MIS18BP1: variants seen among roughly 807,000 people sequenced by gnomAD.
The protein encoded by MIS18BP1 is MIS18 binding protein 1.
MIS18BP1 carries 72 observed loss-of-function variants against 116.1 expected under a neutral mutation model. The ratio of observed to expected loss-of-function variants is 0.62; its 90% confidence interval spans 0.51 to 0.75. MIS18BP1 has a LOEUF of 0.75. MIS18BP1 is among the 30% of genes least tolerant of loss of function. The probability of loss-of-function intolerance (pLI) is 0.00; values close to 1 mark genes in which losing one functional copy is unlikely to be tolerated. For synonymous variants in MIS18BP1, 386 were observed against 427.0 expected (o/e 0.90, Z 1.18); for missense variants, 1,363 against 1,303.2 (o/e 1.05, Z -0.71).
chr14:45,230,325 G>C (rs370906576), intron 8 of MIS18BP1, among the ~76,000 whole-genome samples: 2 of 152,038 alleles, frequency 1.3e-5, no homozygotes, highest in South Asian at 2.1e-4. Flanking sequence ...CTGGCAAGTT[G>C]GTCTCCTTAT....
In MIS18BP1 at chr14:45,210,548, T is replaced by A. The variant is rs1268306650; in HGVS notation, c.3004-20A>T. 4 of 1,613,322 alleles carry A rather than the reference T, an allele frequency of 2.5e-6. No individual in the cohort carries two copies. Among genetic ancestry groups the A allele is most frequent in the Non-Finnish European group, 1.7e-6 (2 of 1,179,648 alleles). Reference sequence around the variant, plus strand: ...TGGCAACTAGAAAACAAGTATTTATTATCAGCAGGCACCCCATAAAAGGTA... The same window carrying A: ...TGGCAACTAGAAAACAAGTATTTATAATCAGCAGGCACCCCATAAAAGGTA... On this transcript the variant is annotated intron_variant, in intron 13 of 16. Transcript: ENST00000310806.
chr14:45,218,374 T>C lies in MIS18BP1; in HGVS notation c.2750A>G (p.Glu917Gly). 6.2e-7 allele frequency: 1 copy of C among 1,614,042 alleles called. No homozygotes were observed. Among genetic ancestry groups the C allele is most frequent in the Non-Finnish European group, 8.5e-7 (1 of 1,180,000 alleles). Residue 917 changes from glutamate (E) to glycine (G), a missense_variant, in exon 12 of 17, where the codon GAA becomes GGA. Transcript: ENST00000310806. Reference protein sequence around the residue: ...AAAVGSRSPEECQRKYMENPR... With the variant: ...AAAVGSRSPEGCQRKYMENPR... ...ATTTTCCATGTATTTCCTCTGGCATTCTTCAGGAGATCGAGAACCTACAGC... is the reference window on the plus strand; with the variant it reads ...ATTTTCCATGTATTTCCTCTGGCATCCTTCAGGAGATCGAGAACCTACAGC...
intron 10 of MIS18BP1, 89 bp downstream of exon 10, chr14:45,226,654 G>T: frequency 9.4e-7 from 1 of 1,059,792 alleles, no homozygotes; most frequent in Non-Finnish European, 1.2e-6. Flanking sequence ...TTTACATGAG[G>T]AAATTTACAA....
intron 15 of MIS18BP1, 68 bp downstream of exon 15, chr14:45,206,015 A>G: frequency 9.7e-7 from 1 of 1,027,502 alleles, no homozygotes. Flanking sequence ...CATGACTTAC[A>G]ACTACCACAG....
In MIS18BP1 at chr14:45,216,876, A is replaced by G; in HGVS notation, c.3003+143T>C. On this transcript the variant is annotated intron_variant, in intron 13 of 16. Transcript: ENST00000310806. ...TAGTAAGAATGGCATATATCAGCAC[A>G]TTGTTTGCCATAAGACTATGATCAT... 6 of 832,068 alleles carry G rather than the reference A, an allele frequency of 7.2e-6. No homozygotes were observed. The Middle Eastern group carries it at 1.8e-3, about 251-fold the overall frequency. The allele number at this position is 832,068 out of a possible 1,614,324, so 51.5% of individuals were successfully genotyped here.
In MIS18BP1 at chr14:45,206,001, G is replaced by GT. The variant is rs1395561486; in HGVS notation, c.3240+81dup. ...TATAATCACCTCAGGGACAGGGACT[G>GT]TTACATGACTTACAACTACCACAGT... On this transcript the variant is annotated intron_variant, in intron 15 of 16. Transcript: ENST00000310806. 6.0e-5 allele frequency: 52 copies of GT among 870,400 alleles called. No homozygotes were observed. The African/African-American group carries it at 8.0e-4, about 13-fold the overall frequency. 53.9% of individuals were successfully genotyped at this position (870,400 alleles called of 1,614,324 possible). A position where few individuals can be genotyped will look rare whatever the true frequency, so the allele number is the denominator to read the frequency against.
chr14:45,250,284 A>C (rs1459404114), intron 1 of MIS18BP1: 1 of 152,220 alleles, frequency 6.6e-6, no homozygotes, highest in African/African-American at 2.4e-5. Flanking sequence ...AATATAAGCC[A>C]AGAAAAAAAT....
In MIS18BP1 at chr14:45,230,992, G is replaced by A. The variant is rs371117727; in HGVS notation, c.1594+149C>T. ...CTGTATTATAGTTACTTCTCATATA[G>A]TAGTGAAGAAGCAGGAATGTGGGGG... On this transcript the variant is annotated intron_variant, in intron 8 of 16. Coordinates refer to ENST00000310806, the MANE Select transcript of MIS18BP1 (RefSeq NM_018353.5). The A allele has an allele frequency of 5.0e-5, 33 of 666,000 alleles. 1 individual carries two copies. In the East Asian group the frequency reaches 7.1e-4, roughly 14 times the overall value. The allele number at this position is 666,000 out of a possible 1,614,324, so 41.3% of individuals were successfully genotyped here.
At chr14:45,213,677 C>A (rs1890736934) in intron 13 of MIS18BP1, among the ~76,000 whole-genome samples, 1 of 152,206 alleles carries the variant, frequency 6.6e-6, no homozygotes, top group African/African-American at 2.4e-5. Flanking sequence ...AATTCACTTA[C>A]TATTATGCTT....
intron 12 of MIS18BP1, 90 bp from the exon 13 acceptor site, chr14:45,217,269 T>C: frequency 7.0e-7 from 1 of 1,420,284 alleles, no homozygotes; most frequent in Non-Finnish European, 9.5e-7. Context: ...GTCTAAATTG[T>C]GCATTCATGT....
rs532787663 is a variant in MIS18BP1 at position 45,212,034 on chromosome 14, A to C, written c.3004-1506T>G. The stretch of plus-strand genomic sequence containing the variant: ...CTGTTTAGACTTAGCTGTTGGTGTC[A>C]CCATTTGGCCATTTTTTTGCATTTG... On this transcript the variant is annotated intron_variant, in intron 13 of 16. Transcript: ENST00000310806. Among the ~76,000 whole-genome samples the C allele has an allele frequency of 9.2e-5, 14 of 152,170 alleles. No individual in the cohort carries two copies. The South Asian group carries it at 2.5e-3, about 27-fold the overall frequency.
chr14:45,230,638 G>A (rs1891248349), intron 8 of MIS18BP1, among the ~76,000 whole-genome samples: 1 of 151,868 alleles, frequency 6.6e-6, no homozygotes, highest in Non-Finnish European at 1.5e-5. Flanking sequence ...ATTATTTTTT[G>A]AGACAGTGCC....
chr14:45,203,898 A>C lies in MIS18BP1; in HGVS notation c.*211T>G. The C allele has an allele frequency of 2.4e-6, 1 of 419,234 alleles. No individual in the cohort carries two copies. The highest frequency in any genetic ancestry group is 3.8e-6 in the Non-Finnish European group (1 of 262,110). The allele number at this position is 419,234 out of a possible 1,614,324, so 26.0% of individuals were successfully genotyped here. A position where few individuals can be genotyped will look rare whatever the true frequency, so the allele number is the denominator to read the frequency against. ...AATATGCAAAAACAAATTTACAGAT[A>C]TCTACACGAGCAAAAACAATTTTCT... On this transcript the variant is annotated 3_prime_UTR_variant, in exon 17 of 17. Transcript: ENST00000310806.
At position 45,244,006 on chromosome 14, in the gene MIS18BP1, T is replaced by A. The variant is rs116838788; in HGVS notation, c.545-1132A>T. ...TTTGCTTCTTCCTTTTCTCCCAGGCTATATGAGAAATAGATGACTTTGTGA... is the reference window on the plus strand; with the variant it reads ...TTTGCTTCTTCCTTTTCTCCCAGGCAATATGAGAAATAGATGACTTTGTGA... On this transcript the variant is annotated intron_variant, in intron 2 of 16. Coordinates refer to ENST00000310806, the MANE Select transcript of MIS18BP1 (RefSeq NM_018353.5). 6.6e-3 allele frequency among the ~76,000 whole-genome samples: 999 copies of A among 152,272 alleles called. 8 individuals carry two copies. The highest frequency in any genetic ancestry group is 0.023 in the African/African-American group (951 of 41,560).
chr14:45,234,116 G>A (rs1891360906), intron 6 of MIS18BP1, among the ~76,000 whole-genome samples: 1 of 151,976 alleles, frequency 6.6e-6, no homozygotes, highest in Admixed American at 6.6e-5. Flanking sequence ...AAAAAGGTAA[G>A]TATGATTAAC....
At chr14:45,212,163 TG>T (rs1199049194) in intron 13 of MIS18BP1, among the ~76,000 whole-genome samples, 1 of 152,150 alleles carries the variant, frequency 6.6e-6, no homozygotes, top group Non-Finnish European at 1.5e-5. Context: ...CCCTCTTAAC[TG>T]GGGATTTGTT....
intron 4 of MIS18BP1, among the ~76,000 whole-genome samples, chr14:45,239,888 G>A (rs972421136): frequency 6.6e-6 from 1 of 152,120 alleles, no homozygotes; most frequent in Admixed American, 6.6e-5. Flanking sequence ...AGAAACAAGA[G>A]TCCAAGATGA....
chr14:45,241,347 G>C (rs569525434), intron 4 of MIS18BP1: 13 of 152,468 alleles, frequency 8.5e-5, no homozygotes, highest in African/African-American at 3.1e-4. Context: ...GCAGGCGCCT[G>C]TAATCCCAGC....
chr14:45,223,857 A>G (rs1422360486), intron 11 of MIS18BP1, 61 bp downstream of exon 11: 3 of 1,248,724 alleles, frequency 2.4e-6, no homozygotes, highest in Non-Finnish European at 3.3e-6. Context: ...TGCTATTTTT[A>G]TGTCTTTAAC....
Sources: allele counts gnomAD v4.1 joint callset (sites outside exome capture counted in the v4.1 genomes callset), GRCh38; gene constraint gnomAD v4.1.1; transcripts MANE v1.5; gene names NCBI Gene and HGNC (gene_info 2026-07-23, HGNC 2026-07-21).